Variants in SUSD4 observed in about 807,000 individuals in gnomAD.
SUSD4 encodes sushi domain containing 4.
In SUSD4, 41 loss-of-function variants were observed where a neutral mutation model predicts 50.5. The ratio of observed to expected loss-of-function variants is 0.81; its 90% CI spans 0.63 to 1.05. SUSD4 has a LOEUF of 1.05. SUSD4 is among the 50% of genes least tolerant of loss of function. The probability of loss-of-function intolerance (pLI) is 0.00; values close to 1 mark genes in which losing one functional copy is unlikely to be tolerated. For missense variants in SUSD4, 580 were observed against 634.7 expected (o/e 0.91, Z 0.93); for synonymous variants, 257 against 257.3 (o/e 1.00, Z 0.01).
chr1:223,239,392 T>C (rs1473957088), intron 5 of SUSD4, among the ~76,000 whole-genome samples: 1 of 152,098 alleles, frequency 6.6e-6, no homozygotes, highest in Non-Finnish European at 1.5e-5. Context: ...GTTTTTTGTT[T>C]GGTGCCTTTG....
intron 2 of SUSD4, among the ~76,000 whole-genome samples, chr1:223,338,158 C>T (rs1428861096): frequency 6.6e-6 from 1 of 152,192 alleles, no homozygotes; most frequent in Non-Finnish European, 1.5e-5. Context: ...GTACATGTTT[C>T]ACCAAAAATA....
chr1:223,237,553 T>A (rs578033166), intron 5 of SUSD4, among the ~76,000 whole-genome samples: 50 of 152,162 alleles, frequency 3.3e-4, no homozygotes, highest in South Asian at 8.3e-4. Flanking sequence ...AGTTTTTTTT[T>A]AAATCATAAA....
intron 3 of SUSD4, among the ~76,000 whole-genome samples, chr1:223,275,760 T>C (rs770073813): frequency 6.6e-5 from 10 of 151,774 alleles, no homozygotes; most frequent in Non-Finnish European, 4.4e-5. Flanking sequence ...AACCACCATG[T>C]GATGGGCTAT....
At chr1:223,300,296 C>A (rs1037954636) in intron 2 of SUSD4, among the ~76,000 whole-genome samples, 9 of 152,186 alleles carry the variant, frequency 5.9e-5, no homozygotes, top group African/African-American at 2.2e-4. Flanking sequence ...TCAATGAAGG[C>A]TGAGATCCCC....
At chr1:223,270,668 C>A (rs753045014) in intron 3 of SUSD4, among the ~76,000 whole-genome samples, 4 of 152,128 alleles carry the variant, frequency 2.6e-5, no homozygotes, top group Non-Finnish European at 5.9e-5. Flanking sequence ...CTCGCAGGTC[C>A]AAGAAATTAT....
chr1:223,339,243 G>A (rs1667623495), intron 2 of SUSD4, among the ~76,000 whole-genome samples: 1 of 152,168 alleles, frequency 6.6e-6, no homozygotes, highest in Non-Finnish European at 1.5e-5. Flanking sequence ...ACATTTACCA[G>A]GATAATTTCA....
In SUSD4 at chr1:223,268,013, T is replaced by TTATATATATATATA. The variant is rs59885860; in HGVS notation, c.535+475_535+488dup. On this transcript the variant is annotated intron_variant, in intron 4 of 8. Transcript: ENST00000366878. ...AATTTTTCTGCTCTTCATGCATTTT[T>TTATATATATATATA]TATATATATATATATATATATATAT... Among the ~76,000 whole-genome samples, 37 of 53,332 alleles carry TTATATATATATATA rather than the reference T, an allele frequency of 6.9e-4. 1 individual carries two copies. Among genetic ancestry groups the TTATATATATATATA allele is most frequent in the South Asian group, 2.3e-3 (3 of 1,306 alleles). The allele number at this position is 53,332 out of a possible 152,430, so 35.0% of individuals were successfully genotyped here.
intron 5 of SUSD4, among the ~76,000 whole-genome samples, chr1:223,256,150 C>T (rs1036437229): frequency 6.6e-6 from 1 of 152,196 alleles, no homozygotes; most frequent in Non-Finnish European, 1.5e-5. Flanking sequence ...TGCCCTCTCC[C>T]TCCTCCAAAG....
chr1:223,309,085 T>C (rs1197744786), intron 2 of SUSD4, among the ~76,000 whole-genome samples: 4 of 152,184 alleles, frequency 2.6e-5, no homozygotes, highest in Non-Finnish European at 1.5e-5. Context: ...GAGTTGTTGT[T>C]TTTCTCCCTC....
At chr1:223,295,257 T>C (rs1664747196) in intron 2 of SUSD4, among the ~76,000 whole-genome samples, 1 of 152,148 alleles carries the variant, frequency 6.6e-6, no homozygotes, top group South Asian at 2.1e-4. Context: ...ATGATGCTAT[T>C]GAGGTGGAAA....
At chr1:223,364,956 T>C (rs1669235926), upstream of SUSD4, among the ~76,000 whole-genome samples, 1 of 152,142 alleles carries the variant, frequency 6.6e-6, no homozygotes, top group African/African-American at 2.4e-5. This position sits in a 1 kb window ranked among gnomAD's most constrained non-coding sequence, Gnocchi z 4.5. Flanking sequence ...ATTTTCCCTC[T>C]GCCAGCCGCA....
At chr1:223,272,348 C>G (rs983028601) in intron 3 of SUSD4, among the ~76,000 whole-genome samples, 1 of 152,204 alleles carries the variant, frequency 6.6e-6, no homozygotes, top group Non-Finnish European at 1.5e-5. Context: ...CAGCCCAACA[C>G]TGTCATTATT....
chr1:223,347,673 T>C (rs1403663143), intron 2 of SUSD4, among the ~76,000 whole-genome samples: 1 of 152,028 alleles, frequency 6.6e-6, no homozygotes, highest in East Asian at 1.9e-4. Flanking sequence ...TCCGAAGTAC[T>C]TGGTAACTTA....
chr1:223,255,373 G>A (rs904584788), intron 5 of SUSD4, among the ~76,000 whole-genome samples: 1 of 152,166 alleles, frequency 6.6e-6, no homozygotes, highest in Non-Finnish European at 1.5e-5. Flanking sequence ...AAGAGGTTGG[G>A]GGGTGGGAGG....
chr1:223,277,597 C>A (rs1663373785), intron 3 of SUSD4, among the ~76,000 whole-genome samples: 1 of 152,100 alleles, frequency 6.6e-6, no homozygotes, highest in South Asian at 2.1e-4. Flanking sequence ...AATAGAGTCA[C>A]TTGAAGTGGG....
chr1:223,333,274 T>C (rs1158443027), intron 2 of SUSD4, among the ~76,000 whole-genome samples: 1 of 152,096 alleles, frequency 6.6e-6, no homozygotes, highest in Non-Finnish European at 1.5e-5. Flanking sequence ...CCACTCTGCA[T>C]GGGAAGTTAC....
chr1:223,361,069 A>T (rs980877647), intron 2 of SUSD4, among the ~76,000 whole-genome samples: 2 of 152,208 alleles, frequency 1.3e-5, no homozygotes, highest in African/African-American at 4.8e-5. Flanking sequence ...CCCACTCCAG[A>T]CCAAATGAAT....
At chr1:223,265,091 G>A (rs994214114) in intron 4 of SUSD4, among the ~76,000 whole-genome samples, 2 of 152,214 alleles carry the variant, frequency 1.3e-5, no homozygotes, top group African/African-American at 2.4e-5. Flanking sequence ...ACTGTGGATT[G>A]TACACCCTCA....
intron 5 of SUSD4, among the ~76,000 whole-genome samples, chr1:223,243,839 C>A (rs1257702482): frequency 1.3e-5 from 2 of 152,212 alleles, no homozygotes; most frequent in African/African-American, 4.8e-5. Flanking sequence ...CACTATGGCA[C>A]CTCCTCCAGC....
Sources: allele counts gnomAD v4.1 joint callset (sites outside exome capture counted in the v4.1 genomes callset), GRCh38; gene constraint gnomAD v4.1.1; non-coding constraint Gnocchi (gnomAD v3.1); transcripts MANE v1.5; gene names NCBI Gene and HGNC (gene_info 2026-07-23, HGNC 2026-07-21).